TEX2: variants seen among roughly 807,000 people sequenced by gnomAD.
TEX2 encodes testis expressed 2.
Under a neutral mutation model 106.9 loss-of-function variants are expected in TEX2, and 53 were observed. That is an observed-to-expected ratio of 0.50 (90% CI 0.40 to 0.62). The LOEUF is 0.62. Ranked by LOEUF, TEX2 falls within the 20% of genes least tolerant of loss-of-function variation. TEX2 has a pLI of 0.00. For missense variants in TEX2, 1,207 were observed against 1,379.0 expected (o/e 0.88, Z 1.98); for synonymous variants, 523 against 534.8 (o/e 0.98, Z 0.30).
chr17:64,228,872 T>C (rs114288145), intron 1 of TEX2, among the ~76,000 whole-genome samples: 4,804 of 152,074 alleles, frequency 0.032, 127 homozygotes, highest in South Asian at 0.1. Context: ...TTGCATTTGT[T>C]TTTTACTTAC....
intron 1 of TEX2, 24 bp from the exon 2 acceptor site, chr17:64,214,266 G>C: frequency 6.4e-7 from 1 of 1,563,080 alleles, no homozygotes; most frequent in Non-Finnish European, 8.7e-7. Context: ...GAGAAAACCA[G>C]AAGTCAGAGA....
chr17:64,152,562 G>A (rs1442785785), intron 10 of TEX2, among the ~76,000 whole-genome samples: 2 of 152,142 alleles, frequency 1.3e-5, no homozygotes, highest in Non-Finnish European at 2.9e-5. Context: ...GATGCTATGA[G>A]GACTAATCAG....
chr17:64,218,432 T>A (rs899181866), intron 1 of TEX2, among the ~76,000 whole-genome samples: 4 of 110,252 alleles, frequency 3.6e-5, no homozygotes, highest in Non-Finnish European at 7.7e-5. Context: ...TTTTTTTTTT[T>A]TTTAAAGACA....
intron 1 of TEX2, among the ~76,000 whole-genome samples, chr17:64,218,033 A>G (rs2033235171): frequency 1.3e-5 from 2 of 152,184 alleles, no homozygotes; most frequent in Admixed American, 1.3e-4. Context: ...GGCAGGCTCC[A>G]TTATCAGGCT....
At chr17:64,234,272 T>C (rs901136847) in intron 1 of TEX2, among the ~76,000 whole-genome samples, 21 of 152,204 alleles carry the variant, frequency 1.4e-4, no homozygotes, top group African/African-American at 4.1e-4. Flanking sequence ...GGGGCTCCAT[T>C]TGACATTTCA....
intron 2 of TEX2, among the ~76,000 whole-genome samples, chr17:64,211,297 T>A (rs1354121662): frequency 1.3e-5 from 2 of 152,134 alleles, no homozygotes; most frequent in Non-Finnish European, 2.9e-5. Context: ...CCTTGGACAA[T>A]GACCACCTCT....
chr17:64,177,152 A>G (rs3744282), intron 6 of TEX2, among the ~76,000 whole-genome samples, 173 bp downstream of exon 6: 124,594 of 152,178 alleles, frequency 0.82, 51,081 homozygotes, highest in Middle Eastern at 0.89. Context: ...CCCAGATGCA[A>G]TTAATCATAA....
chr17:64,252,658 C>T (rs1342609495), intron 1 of TEX2, among the ~76,000 whole-genome samples: 1 of 152,076 alleles, frequency 6.6e-6, no homozygotes, highest in Non-Finnish European at 1.5e-5. Flanking sequence ...TTGAGTTTCC[C>T]TTATTTTCTA....
chr17:64,261,748 T>G (rs2034290232), intron 1 of TEX2, among the ~76,000 whole-genome samples: 1 of 152,170 alleles, frequency 6.6e-6, no homozygotes, highest in South Asian at 2.1e-4. Context: ...AGAAATGATA[T>G]GGCAAAATCC....
At chr17:64,162,044 T>C (rs1221386155) in intron 7 of TEX2, among the ~76,000 whole-genome samples, 1 of 152,192 alleles carries the variant, frequency 6.6e-6, no homozygotes, top group African/African-American at 2.4e-5. Flanking sequence ...AAAGGCAGGA[T>C]GATTTCCATT....
In TEX2 at chr17:64,194,940, C is replaced by G; in HGVS notation, c.1800G>C (p.Glu600Asp). The stretch of plus-strand genomic sequence containing the variant: ...AGATTTTCTGGCTGATGTAGGTGAC[C>G]TCTGGCTTGGGTTCATTGTAGCTGG... Reference protein sequence around the residue: ...RRASYNEPKPEVTYISQKIYD... With the variant: ...RRASYNEPKPDVTYISQKIYD... Residue 600 changes from glutamate to aspartate, a missense_variant, in exon 3 of 12, where the codon GAG becomes GAC. Glu to Asp is a conservative substitution (Grantham distance 45, BLOSUM62 2). Around this residue, in one of 3 missense-constraint regions of TEX2, gnomAD observed 1,067 missense variants for 1,193.6 expected, o/e 0.89. Coordinates refer to ENST00000584379, the MANE Select transcript of TEX2 (RefSeq NM_001288732.2). 1 of 1,614,100 alleles carries G rather than the reference C, an allele frequency of 6.2e-7. No homozygotes were observed. The highest frequency in any genetic ancestry group is 1.1e-5 in the South Asian group (1 of 91,076).
intron 1 of TEX2, among the ~76,000 whole-genome samples, chr17:64,235,464 C>T (rs976259561): frequency 1.3e-5 from 2 of 152,266 alleles, no homozygotes; most frequent in South Asian, 2.1e-4. Context: ...CCCTATCTAC[C>T]CAGGGGGAAC....
At chr17:64,230,506 C>T (rs1205910526) in intron 1 of TEX2, 2 of 152,254 alleles carry the variant, frequency 1.3e-5, no homozygotes, top group African/African-American at 4.8e-5. Context: ...CCCAACTCTA[C>T]CTCTGTTGTG....
intron 1 of TEX2, among the ~76,000 whole-genome samples, chr17:64,249,578 A>T (rs1343475839): frequency 1.3e-5 from 2 of 152,230 alleles, no homozygotes; most frequent in Non-Finnish European, 2.9e-5. Flanking sequence ...CTTTGGCATT[A>T]AAAAATCATA....
intron 6 of TEX2, among the ~76,000 whole-genome samples, chr17:64,176,014 C>T (rs2031602344): frequency 6.6e-6 from 1 of 152,196 alleles, no homozygotes; most frequent in Admixed American, 6.5e-5. Context: ...ACTGCATCTC[C>T]CAACACAGAG....
intron 1 of TEX2, among the ~76,000 whole-genome samples, chr17:64,259,568 G>C (rs2034251573): frequency 1.3e-5 from 2 of 152,232 alleles, no homozygotes; most frequent in Non-Finnish European, 2.9e-5. Flanking sequence ...ACAGGGACAA[G>C]AGTCAGCCAA....
chr17:64,239,998 T>C (rs1180260622), intron 1 of TEX2, among the ~76,000 whole-genome samples: 2 of 151,096 alleles, frequency 1.3e-5, no homozygotes, highest in Non-Finnish European at 2.9e-5. Flanking sequence ...ATAAGGACTC[T>C]AGGTGTGCTA....
At chr17:64,158,166 G>A (rs1408415184) in intron 8 of TEX2, among the ~76,000 whole-genome samples, 1 of 152,238 alleles carries the variant, frequency 6.6e-6, no homozygotes, top group African/African-American at 2.4e-5. Flanking sequence ...AAAGGGAAGA[G>A]ACTTTGCTAG....
intron 1 of TEX2, among the ~76,000 whole-genome samples, chr17:64,214,848 G>T (rs2033137646): frequency 6.6e-6 from 1 of 152,214 alleles, no homozygotes; most frequent in Non-Finnish European, 1.5e-5. Context: ...TCCTCAAATG[G>T]TAGGTACCAT....
Sources: gnomAD v4.1 joint callset for allele counts (sites outside exome capture counted in the v4.1 genomes callset) on GRCh38, gnomAD v4.1.1 for gene constraint, gnomAD v4.1.1 regional missense constraint, MANE v1.5 for transcripts, NCBI Gene and HGNC (gene_info 2026-07-23, HGNC 2026-07-21) for gene names.